Variants in MATCAP2 observed in about 807,000 individuals in gnomAD.
MATCAP2 encodes the protein microtubule associated tyrosine carboxypeptidase 2.
chr7:36,337,725 C>A, the MATCAP2 span: 13 of 152,036 alleles, frequency 8.6e-5, no homozygotes, highest in African/African-American at 3.1e-4. Flanking sequence ...AGGAGTTTGA[C>A]CTGTAACTGA....
chr7:36,376,474 G>A, the MATCAP2 span, among the ~76,000 whole-genome samples: 77 of 152,268 alleles, frequency 5.1e-4, no homozygotes, highest in African/African-American at 1.5e-3. Flanking sequence ...TGTGATTTCC[G>A]TTCTTTTACA....
chr7:36,326,606 G>T, the MATCAP2 span: 1 of 567,392 alleles, frequency 1.8e-6, no homozygotes, highest in Non-Finnish European at 3.0e-6. Flanking sequence ...TTTAAGATCT[G>T]TACTTAACCT....
At chr7:36,340,596 GC>G in the MATCAP2 span, among the ~76,000 whole-genome samples, 2 of 152,090 alleles carry the variant, frequency 1.3e-5, no homozygotes, top group Admixed American at 1.3e-4. Context: ...TGAATGTCTA[GC>G]CTTTCATTAT....
the MATCAP2 span, among the ~76,000 whole-genome samples, chr7:36,371,287 A>G: frequency 3.3e-5 from 5 of 151,628 alleles, no homozygotes; most frequent in Non-Finnish European, 1.5e-5. Context: ...AATTTTTTGT[A>G]TTTTTTTGTA....
the MATCAP2 span, chr7:36,357,126 G>A: frequency 6.2e-7 from 1 of 1,614,188 alleles, no homozygotes; most frequent in Admixed American, 1.7e-5. Flanking sequence ...TTTGGCTTTG[G>A]AAGAGTGGAG....
the MATCAP2 span, chr7:36,325,600 C>T: frequency 6.6e-6 from 1 of 152,206 alleles, no homozygotes; most frequent in East Asian, 1.9e-4. Flanking sequence ...GGGGTGTTTA[C>T]AGCAGCATTC....
At chr7:36,330,530 G>T in the MATCAP2 span, among the ~76,000 whole-genome samples, 1 of 152,172 alleles carries the variant, frequency 6.6e-6, no homozygotes, top group East Asian at 1.9e-4. Context: ...TCACAAAAAA[G>T]GAGCTACAAA....
chr7:36,373,311 A>G, the MATCAP2 span, among the ~76,000 whole-genome samples: 1 of 152,208 alleles, frequency 6.6e-6, no homozygotes, highest in Non-Finnish European at 1.5e-5. Flanking sequence ...AAATCGGTAA[A>G]GTATGCTAGA....
chr7:36,336,039 C>A, the MATCAP2 span: 3 of 710,174 alleles, frequency 4.2e-6, no homozygotes, highest in Non-Finnish European at 5.9e-6. Context: ...CCACTGCACT[C>A]CAGTCTGGGC....
At chr7:36,373,216 T>C in the MATCAP2 span, among the ~76,000 whole-genome samples, 1 of 151,430 alleles carries the variant, frequency 6.6e-6, no homozygotes, top group Non-Finnish European at 1.5e-5. Context: ...CCAGTTCTCA[T>C]AGAACTTATA....
chr7:36,355,175 G>C, the MATCAP2 span: 3 of 152,162 alleles, frequency 2.0e-5, no homozygotes, highest in Non-Finnish European at 2.9e-5. Context: ...TGTAAGAATG[G>C]CTGCCAAATA....
chr7:36,351,465 G>C, the MATCAP2 span, among the ~76,000 whole-genome samples: 19 of 152,270 alleles, frequency 1.2e-4, no homozygotes, highest in African/African-American at 3.6e-4. Flanking sequence ...AGAGTGTTGT[G>C]TGCTGTGTTG....
chr7:36,363,296 A>G, the MATCAP2 span, among the ~76,000 whole-genome samples: 2 of 152,314 alleles, frequency 1.3e-5, no homozygotes, highest in East Asian at 3.9e-4. Flanking sequence ...AAGACACTTC[A>G]TTTCTGGAAT....
the MATCAP2 span, chr7:36,333,866 A>G: frequency 1.2e-6 from 2 of 1,601,634 alleles, no homozygotes; most frequent in Non-Finnish European, 1.7e-6. Context: ...CTGGTTGGGA[A>G]GTATCAGTCC....
At chr7:36,374,160 C>T in the MATCAP2 span, among the ~76,000 whole-genome samples, 1 of 151,910 alleles carries the variant, frequency 6.6e-6, no homozygotes, top group African/African-American at 2.4e-5. Context: ...CTCACTGCAG[C>T]CTCCACCTAC....
the MATCAP2 span, among the ~76,000 whole-genome samples, chr7:36,328,109 C>T: frequency 1.3e-4 from 19 of 151,802 alleles, no homozygotes; most frequent in Admixed American, 6.6e-5. Context: ...TTCTCTGTCA[C>T]CCTAGCAGGA....
the MATCAP2 span, among the ~76,000 whole-genome samples, chr7:36,374,314 A>C: frequency 6.6e-6 from 1 of 151,422 alleles, no homozygotes; most frequent in Non-Finnish European, 1.5e-5. Flanking sequence ...TCTTGGACTC[A>C]AGTGATCCTC....
At chr7:36,368,127 C>T in the MATCAP2 span, 1 of 151,442 alleles carries the variant, frequency 6.6e-6, no homozygotes, top group South Asian at 2.1e-4. Flanking sequence ...TTTTTGAGAC[C>T]CTAACGTGTG....
At chr7:36,343,634 GAAAA>G in the MATCAP2 span, among the ~76,000 whole-genome samples, 43 of 30,894 alleles carry the variant, frequency 1.4e-3, 2 homozygotes, top group South Asian at 0.11. Flanking sequence ...GAAAAGAAAA[GAAAA>G]AGAAAAAGAA....
Sources: allele counts gnomAD v4.1 joint callset (sites outside exome capture counted in the v4.1 genomes callset), GRCh38; gene constraint gnomAD v4.1.1; transcripts MANE v1.5; gene names NCBI Gene and HGNC (gene_info 2026-07-23, HGNC 2026-07-21).